BIRC3: variants seen among roughly 807,000 people sequenced by gnomAD.
The protein encoded by BIRC3 is baculoviral IAP repeat containing 3.
BIRC3 carries 26 observed loss-of-function variants against 59.0 expected under a neutral mutation model. That is an observed-to-expected ratio of 0.44 (90% CI 0.32 to 0.61). BIRC3 has a LOEUF of 0.61. Among genes scored for constraint, BIRC3 ranks in the 20% least tolerant of loss-of-function variants. The pLI, the probability that BIRC3 is intolerant of heterozygous loss-of-function variation, is 0.04. For missense variants in BIRC3, 641 were observed against 711.5 expected (o/e 0.90, Z 1.13); for synonymous variants, 243 against 249.2 (o/e 0.98, Z 0.24).
At chr11:102,318,244 T>C (rs1950994110) in intron 1 of BIRC3, among the ~76,000 whole-genome samples, 1 of 152,240 alleles carries the variant, frequency 6.6e-6, no homozygotes, top group Admixed American at 6.5e-5. Flanking sequence ...GTACCATAAT[T>C]ATCTCCATTT....
In BIRC3 at chr11:102,324,617, T is replaced by C; in HGVS notation, c.108T>C (p.Tyr36=). ...LSCELYRMST[Y]STFPAGVPVS... ...GTGAACTGTACCGAATGTCTACGTA[T>C]TCCACTTTTCCTGCTGGGGTTCCTG... Residue 36 remains tyrosine (Y), a synonymous_variant, in exon 2 of 9, where the codon TAT becomes TAC. Transcript: ENST00000263464. 1 of 1,614,194 alleles carries C rather than the reference T, an allele frequency of 6.2e-7. No homozygotes were observed.
intron 6 of BIRC3, among the ~76,000 whole-genome samples, chr11:102,332,934 G>A (rs1951159001): frequency 6.6e-6 from 1 of 152,024 alleles, no homozygotes; most frequent in South Asian, 2.1e-4. Context: ...TCAAAGAAGA[G>A]AACACTTATC....
chr11:102,320,340 C>A (rs1951017147), intron 1 of BIRC3: 1 of 152,270 alleles, frequency 6.6e-6, no homozygotes, highest in Admixed American at 6.5e-5. Context: ...ACACTGCAAG[C>A]TCTGCCTCAT....
intron 1 of BIRC3, among the ~76,000 whole-genome samples, chr11:102,321,007 G>A (rs1951026181): frequency 6.6e-6 from 1 of 152,210 alleles, no homozygotes; most frequent in Admixed American, 6.5e-5. Context: ...GTGATGGGAA[G>A]TCTCTTACAT....
chr11:102,319,706 A>C (rs189402706), intron 1 of BIRC3, among the ~76,000 whole-genome samples: 1 of 151,952 alleles, frequency 6.6e-6, no homozygotes, highest in East Asian at 1.9e-4. Flanking sequence ...GAAGAGGTGC[A>C]TAGGGCATGG....
At chr11:102,329,906 T>C (rs1951122815) in intron 5 of BIRC3, among the ~76,000 whole-genome samples, 1 of 151,036 alleles carries the variant, frequency 6.6e-6, no homozygotes. Flanking sequence ...CTGCACATTA[T>C]GCACATGTAC....
chr11:102,318,397 T>G (rs2135779824), intron 1 of BIRC3, among the ~76,000 whole-genome samples: 1 of 152,314 alleles, frequency 6.6e-6, no homozygotes, highest in Non-Finnish European at 1.5e-5. Context: ...CTGTGGTCAT[T>G]AATATAAAAT....
At chr11:102,318,946 G>A (rs559978562) in intron 1 of BIRC3, among the ~76,000 whole-genome samples, 1 of 152,284 alleles carries the variant, frequency 6.6e-6, no homozygotes, top group Admixed American at 6.5e-5. Context: ...AGGGAAAATG[G>A]AGACATTAAC....
chr11:102,328,522 C>A (rs939803765), intron 4 of BIRC3, among the ~76,000 whole-genome samples: 1 of 150,692 alleles, frequency 6.6e-6, no homozygotes, highest in Non-Finnish European at 1.5e-5. Context: ...CCCATCCTAG[C>A]CATGAGCAAT....
At chr11:102,329,591 T>C (rs1488414494) in intron 5 of BIRC3, among the ~76,000 whole-genome samples, 1 of 152,170 alleles carries the variant, frequency 6.6e-6, no homozygotes, top group Non-Finnish European at 1.5e-5. Flanking sequence ...ATACACACCA[T>C]GGAATACTAT....
chr11:102,333,690 G>A (rs1442404565), intron 6 of BIRC3, among the ~76,000 whole-genome samples: 1 of 152,150 alleles, frequency 6.6e-6, no homozygotes, highest in Non-Finnish European at 1.5e-5. Context: ...AGGTTGCAGT[G>A]AGCTGAGATC....
Position 102,322,013 on chromosome 11 carries a change from T to C in BIRC3, c.-2497T>C, listed in dbSNP as rs17880156. On this transcript the variant is annotated 5_prime_UTR_variant, in exon 2 of 9. An upstream start codon of the reference 5' UTR is lost. Coordinates refer to ENST00000263464, the MANE Select transcript of BIRC3 (RefSeq NM_001165.5). ...AACTGGTGTTTTACTATCCAAAGAA[T>C]GCTAATTTTATAAACATGATCGAGT... is the stretch of plus-strand genomic sequence containing the variant. 3,765 of 194,356 alleles carry C rather than the reference T, an allele frequency of 0.019. 46 individuals carry two copies. The highest frequency in any genetic ancestry group is 0.028 in the Non-Finnish European group (2,636 of 93,168). The allele number at this position is 194,356 out of a possible 1,614,324, so 12.0% of individuals were successfully genotyped here. A position where few individuals can be genotyped will look rare whatever the true frequency, so the allele number is the denominator to read the frequency against.
chr11:102,336,719 C>A (rs746959298), intron 7 of BIRC3, 41 bp from the exon 8 acceptor site: 2 of 1,560,882 alleles, frequency 1.3e-6, no homozygotes, highest in Admixed American at 1.8e-5. Context: ...TAAATATTAA[C>A]CTTATTTGTC....
At chr11:102,318,209 T>A (rs2135779583) in intron 1 of BIRC3, among the ~76,000 whole-genome samples, 1 of 152,364 alleles carries the variant, frequency 6.6e-6, no homozygotes, top group East Asian at 1.9e-4. Flanking sequence ...TTTTCACGTT[T>A]AATTATCATA....
chr11:102,336,598 C>T (rs1951198825), intron 7 of BIRC3, 162 bp from the exon 8 acceptor site: 3 of 710,308 alleles, frequency 4.2e-6, no homozygotes, highest in Non-Finnish European at 6.8e-6. Flanking sequence ...AAAAAAAAAT[C>T]AATCTAATTT....
rs150899790 is a variant in BIRC3 at position 102,338,185 on chromosome 11, A to G, written c.*1083A>G. ...TATTGGTACTCAACACGTCCGAGTC[A>G]TAACTCTGTCCTTTGCTTCTTATAG... is the stretch of plus-strand genomic sequence containing the variant. On this transcript the variant is annotated 3_prime_UTR_variant, in exon 9 of 9. Transcript: ENST00000263464. 1.4e-4 allele frequency: 32 copies of G among 228,050 alleles called. No individual in the cohort carries two copies. The highest frequency in any genetic ancestry group is 6.4e-4 in the African/African-American group (29 of 45,140). 14.1% of individuals were successfully genotyped at this position (228,050 alleles called of 1,614,324 possible). A position where few individuals can be genotyped will look rare whatever the true frequency, so the allele number is the denominator to read the frequency against.
rs775211808 is a variant in BIRC3, at chr11:102,324,336, A to C, written c.-174A>C. ...GTGTATTTCTTCCTTAAAATGTATCAGTATAGGATTTAGAATCTCCATGTT... is the reference window on the plus strand; with the variant it reads ...GTGTATTTCTTCCTTAAAATGTATCCGTATAGGATTTAGAATCTCCATGTT... On this transcript the variant is annotated 5_prime_UTR_variant, in exon 2 of 9. Coordinates refer to ENST00000263464, the MANE Select transcript of BIRC3 (RefSeq NM_001165.5). 1.7e-5 allele frequency: 10 copies of C among 597,996 alleles called. No individual in the cohort carries two copies. The highest frequency in any genetic ancestry group is 2.4e-5 in the Non-Finnish European group (9 of 367,706). 37.0% of individuals were successfully genotyped at this position (597,996 alleles called of 1,614,324 possible). A position where few individuals can be genotyped will look rare whatever the true frequency, so the allele number is the denominator to read the frequency against.
At chr11:102,331,533 A>AT (rs142308654) in intron 6 of BIRC3, among the ~76,000 whole-genome samples, 2,022 of 148,940 alleles carry the variant, frequency 0.014, 34 homozygotes, top group African/African-American at 0.047. Context: ...TTCATGGCAC[A>AT]TTTTTTTTTT....
chr11:102,327,903 G>T, intron 3 of BIRC3, 149 bp from the exon 4 acceptor site: 1 of 592,256 alleles, frequency 1.7e-6, no homozygotes. Flanking sequence ...ATTAAGTTTA[G>T]AATAAATGAT....
Sources: allele counts gnomAD v4.1 joint callset (sites outside exome capture counted in the v4.1 genomes callset), GRCh38; gene constraint gnomAD v4.1.1; transcripts MANE v1.5; gene names NCBI Gene and HGNC (gene_info 2026-07-23, HGNC 2026-07-21).